The following GALNS variants were observed in gnomAD, a reference collection of about 807,000 sequenced individuals.
The protein encoded by GALNS is N-acetylgalactosamine-6-sulfatase.
A neutral mutation model predicts 65.9 loss-of-function variants in GALNS; 65 were observed. The ratio of observed to expected loss-of-function variants is 0.99; its 90% CI spans 0.81 to 1.21. The LOEUF (loss-of-function observed/expected upper bound fraction) is 1.21. GALNS is among the 50% of genes most tolerant of loss of function. The pLI is 0.00. For missense variants in GALNS, 776 were observed against 700.7 expected, an observed-to-expected ratio of 1.11 and a Z score of -1.21; for synonymous variants, 346 against 288.9, an observed-to-expected ratio of 1.20 and a Z score of -2.00.
intron 9 of GALNS, among the ~76,000 whole-genome samples, chr16:88,830,347 G>A (rs1911371149): frequency 6.6e-6 from 1 of 152,010 alleles, no homozygotes; most frequent in South Asian, 2.1e-4. Context: ...CAGCTACTAG[G>A]ATTGGGAAAA....
At chr16:88,829,888 C>A (rs1241124784) in intron 9 of GALNS, among the ~76,000 whole-genome samples, 2 of 152,170 alleles carry the variant, frequency 1.3e-5, no homozygotes, top group Non-Finnish European at 2.9e-5. Flanking sequence ...AACAGGGAGG[C>A]CAGCCTGGGT....
chr16:88,833,749 C>A (rs941513892), intron 8 of GALNS, among the ~76,000 whole-genome samples: 4 of 152,200 alleles, frequency 2.6e-5, no homozygotes, highest in Non-Finnish European at 4.4e-5. Context: ...CACGCCCAGC[C>A]CCCTCCCCTG....
chr16:88,838,803 T>C (rs1318210), intron 4 of GALNS: 45 of 152,266 alleles, frequency 3.0e-4, no homozygotes, highest in African/African-American at 9.9e-4. Context: ...GGAAAGTTCT[T>C]CTGCAGCTAC....
intron 9 of GALNS, among the ~76,000 whole-genome samples, chr16:88,827,917 C>G (rs1373216479): frequency 6.6e-6 from 1 of 152,222 alleles, no homozygotes; most frequent in African/African-American, 2.4e-5. Context: ...TCCCCACGGT[C>G]CAGGGGCACC....
At chr16:88,826,619 G>C in intron 10 of GALNS, 83 bp downstream of exon 10, 1 of 1,512,474 alleles carries the variant, frequency 6.6e-7, no homozygotes. Flanking sequence ...AGGGCTGCTG[G>C]GCCTGGGGGT....
At chr16:88,855,805 C>A in intron 1 of GALNS, 1 of 519,912 alleles carries the variant, frequency 1.9e-6, no homozygotes, top group South Asian at 2.2e-5. Flanking sequence ...CTGGTCAGCA[C>A]AGGTGGGTCT....
intron 12 of GALNS, among the ~76,000 whole-genome samples, chr16:88,821,108 C>A (rs889031557): frequency 1.1e-4 from 16 of 152,148 alleles, no homozygotes; most frequent in African/African-American, 3.9e-4. Context: ...TATCTCGGCA[C>A]CCCCACAACA....
chr16:88,815,747 G>A (rs566778224), intron 13 of GALNS: 59 of 985,468 alleles, frequency 6.0e-5, no homozygotes, highest in Admixed American at 1.8e-4. Context: ...CAGGGATGCC[G>A]CATGAGTGTC....
In GALNS at chr16:88,816,379, TGGGGCCCCGAGACTCA is replaced by T. The variant is rs1357330181; in HGVS notation, c.1482+1612_1482+1627del. On this transcript the variant is annotated intron_variant, in intron 13 of 13. Coordinates refer to ENST00000268695, the MANE Select transcript of GALNS (RefSeq NM_000512.5). ...TCCACGGCTGGTGGCCCTGGGCTCC[TGGGGCCCCGAGACTCA>T]GGGGTCCTGAGACAGGGACCTCCCT... The T allele has an allele frequency of 3.0e-6, 3 of 985,402 alleles. No individual in the cohort carries two copies. The East Asian group carries it at 3.4e-4, about 112-fold the overall frequency. The allele number at this position is 985,402 out of a possible 1,614,324, so 61.0% of individuals were successfully genotyped here. A position where few individuals can be genotyped will look rare whatever the true frequency, so the allele number is the denominator to read the frequency against.
At chr16:88,816,636 T>G in intron 13 of GALNS, 1 of 984,600 alleles carries the variant, frequency 1.0e-6, no homozygotes, top group Non-Finnish European at 1.2e-6. Context: ...TCCTCACTGC[T>G]GGTAGGTGCT....
chr16:88,817,445 A>C, intron 13 of GALNS: 3 of 985,410 alleles, frequency 3.0e-6, no homozygotes, highest in Non-Finnish European at 3.6e-6. Context: ...TCTGATGCGA[A>C]GGTCTCTGGG....
intron 7 of GALNS, 116 bp downstream of exon 7, chr16:88,835,609 T>C: frequency 6.6e-7 from 1 of 1,505,604 alleles, no homozygotes; most frequent in Non-Finnish European, 9.1e-7. Flanking sequence ...AGGGGTGGGG[T>C]TGCTCTGGCC....
At chr16:88,830,406 C>A (rs959904366) in intron 9 of GALNS, among the ~76,000 whole-genome samples, 2 of 152,114 alleles carry the variant, frequency 1.3e-5, no homozygotes, top group African/African-American at 2.4e-5. Context: ...GCTGGCCCCA[C>A]GCACGTCTTC....
rs111729509 is a variant in GALNS at position 88,842,663 on chromosome 16, T to C, written c.244+43A>G. 7.0e-4 allele frequency: 1,118 copies of C among 1,607,546 alleles called. 4 individuals carry two copies. The African/African-American group carries it at 0.013, about 19-fold the overall frequency. On this transcript the variant is annotated intron_variant, in intron 2 of 13. Transcript: ENST00000268695. ...GAAGGACCCGGGAGGCCTCGGCCTGTTGGGCTCACCCCTTCCTGGGGGCGA... is the reference window on the plus strand; with the variant it reads ...GAAGGACCCGGGAGGCCTCGGCCTGCTGGGCTCACCCCTTCCTGGGGGCGA...
At chr16:88,815,601 G>A in intron 13 of GALNS, 2 of 985,502 alleles carry the variant, frequency 2.0e-6, no homozygotes, top group Non-Finnish European at 2.4e-6. Flanking sequence ...AGTGCAGTTT[G>A]GTTCTGTGTC....
rs73251082 is a variant in GALNS, at chr16:88,817,857, C to T, written c.1482+150G>A. The T allele has an allele frequency of 1.0e-3, 769 of 758,120 alleles. 3 individuals are homozygous for T. In the African/African-American group the frequency reaches 0.012, roughly 11 times the overall value. 47.0% of individuals were successfully genotyped at this position (758,120 alleles called of 1,614,324 possible). On this transcript the variant is annotated intron_variant, in intron 13 of 13. Transcript: ENST00000268695. ...GCCTCCCGAATCCCGGACGCCGCCG[C>T]GTGTGCTCTGAGGCACGAGGGCCTC...
intron 1 of GALNS, among the ~76,000 whole-genome samples, chr16:88,852,446 T>C (rs892061123): frequency 1.3e-5 from 2 of 152,284 alleles, no homozygotes; most frequent in African/African-American, 4.8e-5. Context: ...GCAGAAAAGC[T>C]GAAAATTCTA....
intron 1 of GALNS, chr16:88,855,056 A>C: frequency 2.6e-6 from 1 of 385,918 alleles, no homozygotes; most frequent in Non-Finnish European, 5.1e-6. Flanking sequence ...TGTCCTATGG[A>C]AACGTAGGGT....
intron 9 of GALNS, among the ~76,000 whole-genome samples, chr16:88,827,352 C>T (rs886492545): frequency 2.6e-5 from 4 of 152,214 alleles, no homozygotes; most frequent in Admixed American, 6.5e-5. Flanking sequence ...TCTTTCCCGC[C>T]GTGCCTTGAC....
Sources: allele counts gnomAD v4.1 joint callset (sites outside exome capture counted in the v4.1 genomes callset), GRCh38; gene constraint gnomAD v4.1.1; transcripts MANE v1.5; gene names NCBI Gene and HGNC (gene_info 2026-07-23, HGNC 2026-07-21).